The following CNKSR2 variants were observed in gnomAD, a reference collection of about 807,000 sequenced individuals.
The protein encoded by CNKSR2 is connector enhancer of kinase suppressor of Ras 2, also known as CNK homolog protein 2.
A neutral mutation model predicts 84.4 loss-of-function variants in CNKSR2; 14 were observed. That is an observed-to-expected ratio of 0.17 (90% confidence interval 0.11 to 0.26). CNKSR2 has a LOEUF of 0.26. Among genes scored for constraint, CNKSR2 ranks in the 10% least tolerant of loss-of-function variants. The pLI is 1.00. For missense variants in CNKSR2, 485 were observed against 771.2 expected (o/e 0.63, Z 4.40); for synonymous variants, 275 against 277.9 (o/e 0.99, Z 0.10).
intron 13 of CNKSR2, among the ~76,000 whole-genome samples, chrX:21,584,994 C>T (rs1000027775): frequency 2.7e-5 from 3 of 109,973 alleles, no homozygotes; most frequent in South Asian, 3.9e-4. Flanking sequence ...GTAATCCCAG[C>T]ACTATGGGAG....
intron 5 of CNKSR2, among the ~76,000 whole-genome samples, chrX:21,488,890 A>G (rs1487895419): frequency 1.8e-5 from 2 of 110,873 alleles, no homozygotes; most frequent in Non-Finnish European, 3.8e-5. Context: ...ATTTGCCCAC[A>G]AGGAAATACC....
chrX:21,556,580 A>G (rs1176648435), intron 11 of CNKSR2, among the ~76,000 whole-genome samples: 1 of 110,896 alleles, frequency 9.0e-6, no homozygotes, highest in Non-Finnish European at 1.9e-5. Flanking sequence ...GTTTCAAGGA[A>G]GGAGTAGTAC....
intron 11 of CNKSR2, among the ~76,000 whole-genome samples, chrX:21,534,668 T>C (rs1331774545): frequency 9.0e-6 from 1 of 111,532 alleles, no homozygotes; most frequent in Non-Finnish European, 1.9e-5. Context: ...GGTTTTAATT[T>C]GCATTTCCCT....
chrX:21,542,869 C>A (rs1021917751), intron 11 of CNKSR2, among the ~76,000 whole-genome samples: 1 of 112,214 alleles, frequency 8.9e-6, no homozygotes, highest in Non-Finnish European at 1.9e-5. Flanking sequence ...ACAAAAAGCA[C>A]AGGAATGAAT....
chrX:21,411,116 G>A (rs1423734882), intron 1 of CNKSR2, among the ~76,000 whole-genome samples: 1 of 110,740 alleles, frequency 9.0e-6, no homozygotes, highest in Non-Finnish European at 1.9e-5. Flanking sequence ...ACTTCTAATG[G>A]CAGTTTTTTT....
intron 4 of CNKSR2, among the ~76,000 whole-genome samples, chrX:21,457,581 T>A (rs1249057456): frequency 8.9e-6 from 1 of 111,905 alleles, no homozygotes; most frequent in Admixed American, 9.5e-5. Context: ...TGATATTGAT[T>A]AATGTATTTT....
chrX:21,488,566 A>G lies in CNKSR2; in HGVS notation c.562-1893A>G, dbSNP rs766312094. On this transcript the variant is annotated intron_variant, in intron 5 of 21. Coordinates refer to ENST00000379510, the MANE Select transcript of CNKSR2 (RefSeq NM_014927.5). ...GCTGATAGACACAATAAAAGTACAG[A>G]CTTGAGAAGCAGATGCAAACAGCAC... is the stretch of plus-strand genomic sequence containing the variant. Among the ~76,000 whole-genome samples the G allele has an allele frequency of 1.7e-4, 19 of 111,800 alleles. No homozygotes were observed. The East Asian group carries it at 3.4e-3, about 20-fold the overall frequency.
chrX:21,416,411 A>G (rs965608805), intron 1 of CNKSR2, among the ~76,000 whole-genome samples: 2 of 110,708 alleles, frequency 1.8e-5, no homozygotes, highest in Admixed American at 1.9e-4. Context: ...TCTTTTTTCA[A>G]TGTGTCTTTG....
intron 11 of CNKSR2, among the ~76,000 whole-genome samples, chrX:21,554,711 A>T (rs1323805290): frequency 9.0e-6 from 1 of 111,073 alleles, no homozygotes; most frequent in East Asian, 2.8e-4. Context: ...TATGTGACAC[A>T]TTTTCTTTAT....
chrX:21,406,237 G>A (rs1429185805), intron 1 of CNKSR2, among the ~76,000 whole-genome samples: 2 of 111,356 alleles, frequency 1.8e-5, no homozygotes, highest in Non-Finnish European at 3.8e-5. Flanking sequence ...AGAATATAAT[G>A]CCTGATGATC....
chrX:21,408,771 TTC>T (rs1309512108), intron 1 of CNKSR2, among the ~76,000 whole-genome samples: 1 of 110,932 alleles, frequency 9.0e-6, no homozygotes, highest in Non-Finnish European at 1.9e-5. Flanking sequence ...TTTTTTTTAA[TTC>T]TGAGACCTAA....
intron 4 of CNKSR2, 106 bp from the exon 5 acceptor site, chrX:21,470,660 A>C (rs2091186012): frequency 5.3e-6 from 2 of 375,585 alleles, no homozygotes; most frequent in Non-Finnish European, 9.0e-6. Context: ...TATTGCTTTT[A>C]CTTGAATTGT....
At chrX:21,558,174 A>G (rs183908178) in intron 11 of CNKSR2, among the ~76,000 whole-genome samples, 1 of 111,239 alleles carries the variant, frequency 9.0e-6, no homozygotes, top group African/African-American at 3.2e-5. Flanking sequence ...GCTGTAATCA[A>G]TGATCTGTAT....
chrX:21,388,855 A>G (rs758002297), intron 1 of CNKSR2, among the ~76,000 whole-genome samples: 25 of 110,927 alleles, frequency 2.3e-4, no homozygotes, highest in Non-Finnish European at 3.8e-4. Flanking sequence ...AAAAAGGGGA[A>G]ACATACAACT....
intron 13 of CNKSR2, among the ~76,000 whole-genome samples, chrX:21,584,713 G>C (rs2092374801): frequency 9.0e-6 from 1 of 111,409 alleles, no homozygotes. Flanking sequence ...TGAAGGTCTT[G>C]GGATGGGACT....
chrX:21,525,526 C>G (rs1374947793), intron 9 of CNKSR2, among the ~76,000 whole-genome samples: 1 of 110,375 alleles, frequency 9.1e-6, no homozygotes, highest in Admixed American at 9.7e-5. Context: ...TAGAATTTAA[C>G]TGTCATTTTG....
intron 1 of CNKSR2, chrX:21,425,365 G>T (rs2090551799): frequency 9.0e-6 from 1 of 111,620 alleles, no homozygotes; most frequent in Admixed American, 9.5e-5. Context: ...AGTAATTCTA[G>T]TTACTTTAAG....
chrX:21,425,105 G>GACTCTC (rs2090547534), intron 1 of CNKSR2: 1 of 111,212 alleles, frequency 9.0e-6, no homozygotes. Flanking sequence ...AAGAAAAACA[G>GACTCTC]ACTCTCTCTC....
intron 1 of CNKSR2, among the ~76,000 whole-genome samples, chrX:21,401,693 C>G (rs964807145): frequency 2.2e-4 from 25 of 111,942 alleles, no homozygotes; most frequent in African/African-American, 8.1e-4. Context: ...CAAACATTTT[C>G]TTTTTTACCA....
Sources: gnomAD v4.1 joint callset for allele counts (sites outside exome capture counted in the v4.1 genomes callset) on GRCh38, gnomAD v4.1.1 for gene constraint, MANE v1.5 for transcripts, NCBI Gene and HGNC (gene_info 2026-07-23, HGNC 2026-07-21) for gene names.